TMEM132D: variants seen among roughly 807,000 people sequenced by gnomAD.
TMEM132D encodes the protein mature OL transmembrane protein.
TMEM132D carries 21 observed loss-of-function variants against 62.3 expected under a neutral mutation model. That is an observed-to-expected ratio of 0.34 (90% CI 0.24 to 0.49). The LOEUF (loss-of-function observed/expected upper bound fraction) is 0.49, where lower values mean the gene tolerates loss of function less well. Ranked by LOEUF, TMEM132D falls within the 20% of genes least tolerant of loss-of-function variation. The pLI is 0.99. For missense variants in TMEM132D, 1,346 were observed against 1,402.8 expected (o/e 0.96, Z 0.65); for synonymous variants, 621 against 575.6 (o/e 1.08, Z -1.13).
intron 5 of TMEM132D, among the ~76,000 whole-genome samples, chr12:129,164,281 C>A (rs1023762342): frequency 1.3e-5 from 2 of 152,196 alleles, no homozygotes; most frequent in African/African-American, 4.8e-5. Flanking sequence ...CAAGGCTTAG[C>A]CTCACTGGTG....
intron 2 of TMEM132D, among the ~76,000 whole-genome samples, chr12:129,580,063 T>C (rs149764482): frequency 1.6e-3 from 243 of 152,296 alleles, no homozygotes; most frequent in African/African-American, 5.5e-3. Context: ...CCCATGGTAC[T>C]TCCCAATAGG....
At chr12:129,123,856 T>G (rs1238604327) in intron 5 of TMEM132D, among the ~76,000 whole-genome samples, 1 of 152,178 alleles carries the variant, frequency 6.6e-6, no homozygotes, top group Non-Finnish European at 1.5e-5. Flanking sequence ...GTGCCCCTCC[T>G]GATTCTCAGG....
intron 5 of TMEM132D, among the ~76,000 whole-genome samples, chr12:129,181,937 C>A (rs1403900577): frequency 1.3e-5 from 2 of 152,294 alleles, no homozygotes; most frequent in South Asian, 4.1e-4. Flanking sequence ...TTTCTCACCA[C>A]CACCAGTGTG....
chr12:129,831,189 C>A (rs2137334087), intron 1 of TMEM132D, among the ~76,000 whole-genome samples: 1 of 152,332 alleles, frequency 6.6e-6, no homozygotes, highest in East Asian at 1.9e-4. Context: ...CTCACCAGCA[C>A]ATCACTGAAG....
chr12:129,860,153 C>T (rs536101475), intron 1 of TMEM132D, among the ~76,000 whole-genome samples: 38 of 152,298 alleles, frequency 2.5e-4, no homozygotes, highest in African/African-American at 7.9e-4. Context: ...TAGACTAACA[C>T]GGCCCCACTC....
intron 5 of TMEM132D, among the ~76,000 whole-genome samples, chr12:129,119,980 C>A (rs1876006816): frequency 6.6e-6 from 1 of 151,784 alleles, no homozygotes; most frequent in South Asian, 2.1e-4. Flanking sequence ...TGTGAAAAAC[C>A]TAGGCTAAGG....
At chr12:129,716,782 C>T (rs1868592599) in intron 1 of TMEM132D, among the ~76,000 whole-genome samples, 2 of 152,042 alleles carry the variant, frequency 1.3e-5, no homozygotes, top group Admixed American at 1.3e-4. Flanking sequence ...CCGGGACCTA[C>T]AAAGCTATGA....
chr12:129,628,820 C>T (rs1879284622), intron 2 of TMEM132D, among the ~76,000 whole-genome samples: 1 of 152,116 alleles, frequency 6.6e-6, no homozygotes, highest in South Asian at 2.1e-4. Context: ...GAATCCCTTA[C>T]CATGTGGCTT....
chr12:129,235,400 GTT>G (rs55691625), intron 4 of TMEM132D, among the ~76,000 whole-genome samples: 54,585 of 148,402 alleles, frequency 0.37, 10,299 homozygotes, highest in Admixed American at 0.44. Flanking sequence ...CCCCTAATGG[GTT>G]TTTTTTTTTT....
At chr12:129,305,875 T>G (rs1210589494) in intron 4 of TMEM132D, among the ~76,000 whole-genome samples, 2 of 152,148 alleles carry the variant, frequency 1.3e-5, no homozygotes, top group African/African-American at 4.8e-5. Context: ...AAATATTAAT[T>G]TGGATCAAAT....
intron 3 of TMEM132D, among the ~76,000 whole-genome samples, chr12:129,386,271 C>G (rs1871103059): frequency 3.3e-5 from 5 of 152,128 alleles, no homozygotes; most frequent in Admixed American, 2.6e-4. Flanking sequence ...AGGGTACTAA[C>G]ACCAACACCA....
intron 1 of TMEM132D, among the ~76,000 whole-genome samples, chr12:129,769,974 C>T (rs116873081): frequency 0.02 from 3,085 of 151,928 alleles, 153 homozygotes; most frequent in East Asian, 0.15. Context: ...CCACACCCGA[C>T]GAACGTTCTT....
chr12:129,090,673 AAAAG>A (rs1480683744), intron 5 of TMEM132D, among the ~76,000 whole-genome samples: 13 of 151,630 alleles, frequency 8.6e-5, no homozygotes, highest in Middle Eastern at 3.4e-3. Flanking sequence ...GTCTGAAAAA[AAAAG>A]AAAAGAAAAG....
chr12:129,876,179 T>C (rs1257289018), intron 1 of TMEM132D, among the ~76,000 whole-genome samples: 1 of 151,968 alleles, frequency 6.6e-6, no homozygotes, highest in Non-Finnish European at 1.5e-5. Context: ...TGTAGATTCT[T>C]ACTACTAAAG....
At chr12:129,245,104 C>G (rs979628143) in intron 4 of TMEM132D, among the ~76,000 whole-genome samples, 14 of 152,162 alleles carry the variant, frequency 9.2e-5, no homozygotes, top group African/African-American at 3.4e-4. Flanking sequence ...AAGGTTCACT[C>G]TTTGTAGTGT....
chr12:129,124,729 G>A (rs1228854172), intron 5 of TMEM132D, among the ~76,000 whole-genome samples: 1 of 152,206 alleles, frequency 6.6e-6, no homozygotes, highest in African/African-American at 2.4e-5. Context: ...GAGAATTTGA[G>A]TCATTTCCAG....
chr12:129,273,079 C>A (rs1880898710), intron 4 of TMEM132D, among the ~76,000 whole-genome samples: 2 of 151,656 alleles, frequency 1.3e-5, no homozygotes, highest in African/African-American at 4.9e-5. Context: ...GCCTGTAATC[C>A]CAGCTACTTG....
chr12:129,422,163 G>T lies in TMEM132D; in HGVS notation c.1116-84346C>A, dbSNP rs182666491. Among the ~76,000 whole-genome samples, 468 of 149,706 alleles carry T rather than the reference G, an allele frequency of 3.1e-3. 7 individuals are homozygous for T. The highest frequency in any genetic ancestry group is 0.026 in the Admixed American group (393 of 15,022). On this transcript the variant is annotated intron_variant, in intron 3 of 8. Transcript: ENST00000422113. ...ACTGACACTAATGTTAATATTTAAG[G>T]GAACGTTTACATATTTGGGTTTGAC...
chr12:129,788,764 G>A (rs1157546498), intron 1 of TMEM132D, among the ~76,000 whole-genome samples: 1 of 152,092 alleles, frequency 6.6e-6, no homozygotes, highest in African/African-American at 2.4e-5. Flanking sequence ...CTCTGCTCTC[G>A]GGGAGTCAAG....
Sources: allele counts gnomAD v4.1 joint callset (sites outside exome capture counted in the v4.1 genomes callset), GRCh38; gene constraint gnomAD v4.1.1; transcripts MANE v1.5; gene names NCBI Gene and HGNC (gene_info 2026-07-23, HGNC 2026-07-21).